Variants in MAGI3 observed in about 807,000 individuals in gnomAD.
MAGI3 encodes membrane-associated guanylate kinase, WW and PDZ domain-containing protein 3.
Under a neutral mutation model 121.8 loss-of-function variants are expected in MAGI3, and 43 were observed. The ratio of observed to expected loss-of-function variants is 0.35; its 90% CI spans 0.28 to 0.46. The LOEUF (loss-of-function observed/expected upper bound fraction) is 0.46, where lower values mean the gene tolerates loss of function less well. Among genes scored for constraint, MAGI3 ranks in the 20% least tolerant of loss-of-function variants. The probability of loss-of-function intolerance (pLI) is 1.00; values close to 1 mark genes in which losing one functional copy is unlikely to be tolerated. For synonymous variants in MAGI3, 553 were observed against 639.3 expected (o/e 0.86, Z 2.04); for missense variants, 1,547 against 1,797.3 (o/e 0.86, Z 2.52).
chr1:113,632,009 T>G (rs1651667163), intron 9 of MAGI3, among the ~76,000 whole-genome samples: 1 of 152,226 alleles, frequency 6.6e-6, no homozygotes. Context: ...CAGTGTTTGC[T>G]AGACTTTTCT....
chr1:113,581,971 C>T (rs1271112442), intron 3 of MAGI3, among the ~76,000 whole-genome samples: 3 of 151,808 alleles, frequency 2.0e-5, no homozygotes, highest in African/African-American at 7.3e-5. Flanking sequence ...GAAGCCCTCT[C>T]CCCTTAAATG....
At chr1:113,477,891 C>T (rs542728699) in intron 1 of MAGI3, among the ~76,000 whole-genome samples, 6 of 152,346 alleles carry the variant, frequency 3.9e-5, no homozygotes, top group Non-Finnish European at 8.8e-5. Context: ...GGTCTTTTCA[C>T]ATAGTCCCAT....
At position 113,643,748 on chromosome 1, in the gene MAGI3, C is replaced by G. The variant is rs759046714; in HGVS notation, c.1972C>G (p.Pro658Ala). ...VPLLILRGGPPSPTKTAKMKT... is the reference protein window; with the variant it reads ...VPLLILRGGPASPTKTAKMKT... ...TGGTTCATTTTTTTTTTAAGGTCCTCCTTCACCAACCAAAACTGCCAAAAT... is the reference window on the plus strand; with the variant it reads ...TGGTTCATTTTTTTTTTAAGGTCCTGCTTCACCAACCAAAACTGCCAAAAT... Residue 658 changes from proline to alanine, a missense_variant, in exon 11 of 21, where the codon CCT (proline) becomes GCT (alanine). Transcript: ENST00000307546. The G allele has an allele frequency of 1.2e-6, 2 of 1,613,776 alleles. No homozygotes were observed. The highest frequency in any genetic ancestry group is 1.1e-5 in the South Asian group (1 of 91,058).
intron 1 of MAGI3, among the ~76,000 whole-genome samples, chr1:113,518,993 C>T (rs937140199): frequency 2.0e-5 from 3 of 151,960 alleles, no homozygotes; most frequent in African/African-American, 7.3e-5. Context: ...GTTTGTTTCC[C>T]CCGTTACTAC....
intron 6 of MAGI3, among the ~76,000 whole-genome samples, chr1:113,600,689 A>G (rs1649313659): frequency 2.6e-5 from 4 of 152,212 alleles, no homozygotes; most frequent in Admixed American, 2.6e-4. Flanking sequence ...TCAAGCTACC[A>G]ATGACTTTCT....
chr1:113,441,554 A>G (rs1340345939), intron 1 of MAGI3, among the ~76,000 whole-genome samples: 2 of 152,184 alleles, frequency 1.3e-5, no homozygotes, highest in Non-Finnish European at 2.9e-5. Flanking sequence ...AAATACCACT[A>G]TATATGATTC....
chr1:113,633,232 C>CTCA (rs1368805978), intron 9 of MAGI3, among the ~76,000 whole-genome samples: 7 of 123,166 alleles, frequency 5.7e-5, no homozygotes, highest in Admixed American at 2.8e-4. Context: ...AGGACATGAA[C>CTCA]TCATCATTTT....
chr1:113,513,235 G>C (rs971893665), intron 1 of MAGI3, among the ~76,000 whole-genome samples: 145 of 152,156 alleles, frequency 9.5e-4, no homozygotes, highest in Non-Finnish European at 1.3e-3. Flanking sequence ...CCATCCCCAT[G>C]AAGCTACCAA....
At chr1:113,674,905 T>C (rs17274634) in intron 19 of MAGI3, among the ~76,000 whole-genome samples, 36,483 of 152,090 alleles carry the variant, frequency 0.24, 4,873 homozygotes, top group South Asian at 0.39. Context: ...GTGCATAGGA[T>C]TTCAATAGGG....
At chr1:113,495,731 G>A (rs1656888615) in intron 1 of MAGI3, among the ~76,000 whole-genome samples, 1 of 152,122 alleles carries the variant, frequency 6.6e-6, no homozygotes, top group Non-Finnish European at 1.5e-5. Context: ...AAAAGTTTAT[G>A]TTTGTTATTA....
intron 1 of MAGI3, among the ~76,000 whole-genome samples, chr1:113,484,767 C>G (rs1442960498): frequency 7.7e-6 from 1 of 129,210 alleles, no homozygotes; most frequent in Non-Finnish European, 1.7e-5. Flanking sequence ...GCTCTCTCAC[C>G]AGGCTGGAGT....
chr1:113,414,068 T>C (rs1652160298), intron 1 of MAGI3, among the ~76,000 whole-genome samples: 2 of 152,168 alleles, frequency 1.3e-5, no homozygotes, highest in African/African-American at 4.8e-5. Flanking sequence ...ACCTAGTTTA[T>C]TGAGAGTATT....
chr1:113,409,424 C>T lies in MAGI3; in HGVS notation c.316+18075C>T, dbSNP rs181519412. Among the ~76,000 whole-genome samples, 52 of 152,068 alleles carry T rather than the reference C, an allele frequency of 3.4e-4. No homozygotes were observed. The East Asian group carries it at 7.4e-3, about 22-fold the overall frequency. The stretch of plus-strand genomic sequence containing the variant: ...CTTTGGGAGGCAAGCAAGAGGATTG[C>T]TTGAGTCCAGGAGTTCAAGACTAGC... On this transcript the variant is annotated intron_variant, in intron 1 of 20. Coordinates refer to ENST00000307546, the MANE Select transcript of MAGI3 (RefSeq NM_001142782.2).
Position 113,682,902 on chromosome 1 carries a change from T to C in MAGI3, c.3334T>C (p.Trp1112Arg), listed in dbSNP as rs1472202982. The C allele has an allele frequency of 6.4e-7, 1 of 1,568,360 alleles. No homozygotes were observed. The highest frequency in any genetic ancestry group is 8.6e-7 in the Non-Finnish European group (1 of 1,161,716). ...GTGLIPDHGD[W>R]DINNPSSSNV... ...CATTCAAATCACTTTTTTAGGTGAT[T>C]GGGATATTAATAATCCTTCGTCTTC... is the stretch of plus-strand genomic sequence containing the variant. The change falls in exon 21 of 21, where the codon TGG becomes CGG. Residue 1112 changes from tryptophan (W) to arginine (R), a missense_variant. Transcript: ENST00000307546.
At chr1:113,518,536 T>G (rs1483943647) in intron 1 of MAGI3, among the ~76,000 whole-genome samples, 1 of 152,112 alleles carries the variant, frequency 6.6e-6, no homozygotes, top group Non-Finnish European at 1.5e-5. Flanking sequence ...GATGTTTGAT[T>G]AGATATTGAA....
At chr1:113,395,898 A>G (rs1395083802) in intron 1 of MAGI3, among the ~76,000 whole-genome samples, 1 of 152,034 alleles carries the variant, frequency 6.6e-6, no homozygotes, top group African/African-American at 2.4e-5. Context: ...GATGATTTTA[A>G]ATTTTATTCA....
intron 1 of MAGI3, among the ~76,000 whole-genome samples, chr1:113,440,625 C>G (rs1247202065): frequency 6.6e-6 from 1 of 152,156 alleles, no homozygotes; most frequent in Non-Finnish European, 1.5e-5. Context: ...AAGTGGAGAA[C>G]AAGTTGATTG....
chr1:113,675,039 G>A (rs76848039), intron 19 of MAGI3, among the ~76,000 whole-genome samples: 7,600 of 152,288 alleles, frequency 0.05, 640 homozygotes, highest in African/African-American at 0.17. Context: ...TTTAGAAAAT[G>A]CGTAGATGAA....
chr1:113,487,500 C>G (rs573300768), intron 1 of MAGI3, among the ~76,000 whole-genome samples: 34 of 152,094 alleles, frequency 2.2e-4, no homozygotes, highest in Non-Finnish European at 4.0e-4. Context: ...AAAATAACTC[C>G]CACAAGCTTA....
Sources: gnomAD v4.1 joint callset for allele counts (sites outside exome capture counted in the v4.1 genomes callset) on GRCh38, gnomAD v4.1.1 for gene constraint, MANE v1.5 for transcripts, NCBI Gene and HGNC (gene_info 2026-07-23, HGNC 2026-07-21) for gene names.